Variants in RAPGEF1 observed in about 807,000 individuals in gnomAD.
RAPGEF1 encodes Rap guanine nucleotide exchange factor 1.
Under a neutral mutation model 143.3 loss-of-function variants are expected in RAPGEF1, and 33 were observed. That is an observed-to-expected ratio of 0.23 (90% CI 0.17 to 0.31). The LOEUF is 0.31. RAPGEF1 is among the 10% of genes least tolerant of loss of function. RAPGEF1 has a pLI of 1.00. For missense variants in RAPGEF1, 1,199 were observed against 1,645.4 expected, an observed-to-expected ratio of 0.73 and a Z score of 4.69; for synonymous variants, 629 against 676.5, an observed-to-expected ratio of 0.93 and a Z score of 1.09.
At chr9:131,624,567 C>T (rs1418426335) in intron 10 of RAPGEF1, among the ~76,000 whole-genome samples, 5 of 152,218 alleles carry the variant, frequency 3.3e-5, no homozygotes, top group African/African-American at 1.2e-4. Flanking sequence ...CTGCAGCTTG[C>T]AAGGATGCCA....
intron 1 of RAPGEF1, among the ~76,000 whole-genome samples, chr9:131,726,231 C>T (rs573107757): frequency 2.0e-5 from 3 of 152,214 alleles, no homozygotes; most frequent in South Asian, 4.2e-4. Context: ...GACAACTTGA[C>T]GAGTCTCAAA....
intron 1 of RAPGEF1, among the ~76,000 whole-genome samples, chr9:131,711,246 C>T (rs1437368197): frequency 6.6e-6 from 1 of 151,858 alleles, no homozygotes; most frequent in African/African-American, 2.4e-5. Flanking sequence ...GAGACAGGGT[C>T]TCCCTATGTT....
At chr9:131,737,603 A>C in intron 1 of RAPGEF1, 1 of 1,479,128 alleles carries the variant, frequency 6.8e-7, no homozygotes. Context: ...CAGAGAACTC[A>C]AATGAAGAGT....
chr9:131,683,591 C>T (rs996941446), intron 1 of RAPGEF1, among the ~76,000 whole-genome samples: 12 of 152,192 alleles, frequency 7.9e-5, no homozygotes, highest in African/African-American at 2.2e-4. Context: ...AGACTGTGAA[C>T]GGTTTGCATT....
intron 1 of RAPGEF1, among the ~76,000 whole-genome samples, chr9:131,654,236 G>GA (rs530928449): frequency 1.2e-4 from 17 of 146,486 alleles, no homozygotes; most frequent in East Asian, 4.0e-4. Flanking sequence ...TGAATTACTA[G>GA]AAAAAAAAAA....
chr9:131,626,788 T>C (rs994233118), intron 9 of RAPGEF1, among the ~76,000 whole-genome samples: 22 of 152,250 alleles, frequency 1.4e-4, no homozygotes, highest in Non-Finnish European at 2.9e-5. Flanking sequence ...CTTTTTTGCC[T>C]ATACAATTCC....
rs946863862 is a variant in RAPGEF1 at position 131,728,360 on chromosome 9, C to G, written c.61+11410G>C. On this transcript the variant is annotated intron_variant, in intron 1 of 26. Transcript: ENST00000683357. ...GAACGAAGATGATTTAATTAATCCC[C>G]GAAAGTCACCCCGCAAGGAGAAACT... 4.6e-5 allele frequency among the ~76,000 whole-genome samples: 7 copies of G among 152,284 alleles called. No homozygotes were observed. The South Asian group carries it at 1.5e-3, about 32-fold the overall frequency.
chr9:131,622,132 C>A, intron 10 of RAPGEF1, 134 bp from the exon 11 acceptor site: 2 of 839,636 alleles, frequency 2.4e-6, no homozygotes, highest in Non-Finnish European at 3.8e-6. Flanking sequence ...AGACGGAGCA[C>A]GGAGGACTTT....
chr9:131,619,802 C>A (rs769708163), intron 11 of RAPGEF1, among the ~76,000 whole-genome samples: 1 of 152,140 alleles, frequency 6.6e-6, no homozygotes, highest in South Asian at 2.1e-4. Context: ...GTAATGAGCA[C>A]CATTTTTGTC....
At chr9:131,617,960 T>A (rs1959300211) in intron 12 of RAPGEF1, among the ~76,000 whole-genome samples, 1 of 152,154 alleles carries the variant, frequency 6.6e-6, no homozygotes, top group Non-Finnish European at 1.5e-5. Flanking sequence ...AGTGAAAGAC[T>A]CCCCTCTTCA....
intron 1 of RAPGEF1, among the ~76,000 whole-genome samples, chr9:131,696,322 C>T (rs1231817833): frequency 2.6e-5 from 4 of 152,178 alleles, no homozygotes; most frequent in Admixed American, 2.6e-4. Context: ...AGACAAAGAC[C>T]TATTTTTTAA....
At chr9:131,601,662 T>C (rs2132458399) in intron 15 of RAPGEF1, among the ~76,000 whole-genome samples, 1 of 152,128 alleles carries the variant, frequency 6.6e-6, no homozygotes, top group African/African-American at 2.4e-5. Context: ...GCCCAGCACT[T>C]TGGGAGGCTG....
intron 18 of RAPGEF1, 32 bp from the exon 19 acceptor site, chr9:131,590,010 G>A: frequency 1.3e-6 from 2 of 1,594,494 alleles, no homozygotes; most frequent in Non-Finnish European, 1.7e-6. Flanking sequence ...TAGCCATGTG[G>A]TCGGCTGAGG....
chr9:131,593,997 G>A (rs1396778734), intron 17 of RAPGEF1, among the ~76,000 whole-genome samples: 2 of 152,194 alleles, frequency 1.3e-5, no homozygotes, highest in Non-Finnish European at 2.9e-5. Context: ...ATCCTTCAAT[G>A]CCCAGAGCAA....
intron 1 of RAPGEF1, among the ~76,000 whole-genome samples, chr9:131,719,890 T>C (rs1201629042): frequency 2.0e-5 from 3 of 149,732 alleles, no homozygotes; most frequent in Non-Finnish European, 3.0e-5. Flanking sequence ...TTCTTTCTTT[T>C]TTTTTTTTTT....
intron 1 of RAPGEF1, among the ~76,000 whole-genome samples, chr9:131,676,859 A>G (rs767118440): frequency 6.6e-5 from 10 of 152,242 alleles, no homozygotes; most frequent in Non-Finnish European, 1.3e-4. Flanking sequence ...CAACGACGGC[A>G]GCTTCACCAA....
chr9:131,609,280 T>C (rs1957626461), intron 12 of RAPGEF1, among the ~76,000 whole-genome samples: 1 of 152,186 alleles, frequency 6.6e-6, no homozygotes, highest in Non-Finnish European at 1.5e-5. Flanking sequence ...ACACAGTGCC[T>C]TACTGTTCTT....
At chr9:131,696,511 AG>A (rs1211756624) in intron 1 of RAPGEF1, among the ~76,000 whole-genome samples, 2 of 152,242 alleles carry the variant, frequency 1.3e-5, no homozygotes, top group African/African-American at 4.8e-5. Context: ...AGATGATTTA[AG>A]GGATCTTTCA....
At chr9:131,646,604 AG>A (rs1969716393) in intron 3 of RAPGEF1, among the ~76,000 whole-genome samples, 1 of 152,166 alleles carries the variant, frequency 6.6e-6, no homozygotes, top group African/African-American at 2.4e-5. Context: ...GCCGTGCCGC[AG>A]CCGGGACACC....
Sources: allele counts gnomAD v4.1 joint callset (sites outside exome capture counted in the v4.1 genomes callset), GRCh38; gene constraint gnomAD v4.1.1; transcripts MANE v1.5; gene names NCBI Gene and HGNC (gene_info 2026-07-23, HGNC 2026-07-21).